RHEX: variants seen among roughly 807,000 people sequenced by gnomAD.
The protein encoded by RHEX is regulator of hemoglobinization and erythroid cell expansion.
A neutral mutation model predicts 20.1 loss-of-function variants in RHEX; 18 were observed. That is an observed-to-expected ratio of 0.90 (90% CI 0.62 to 1.33). The LOEUF is 1.33. RHEX is among the 40% of genes most tolerant of loss of function. The pLI is 0.00. For synonymous variants in RHEX, 87 were observed against 77.1 expected, an observed-to-expected ratio of 1.13 and a Z score of -0.67; for missense variants, 192 against 214.3, an observed-to-expected ratio of 0.90 and a Z score of 0.65.
chr1:206,066,691 A>T lies in RHEX; in HGVS notation c.-97+13426A>T, dbSNP rs532424222. ...GAAACTGAAAGCAGACACTTCAGAGACAGAAGGGAGAGGCTGAGATTTATG... is the reference window on the plus strand; with the variant it reads ...GAAACTGAAAGCAGACACTTCAGAGTCAGAAGGGAGAGGCTGAGATTTATG... On this transcript the variant is annotated intron_variant, in intron 1 of 5. Transcript: ENST00000331555. 2.0e-5 allele frequency among the ~76,000 whole-genome samples: 3 copies of T among 152,316 alleles called. No individual in the cohort carries two copies. The South Asian group carries it at 6.2e-4, about 32-fold the overall frequency.
chr1:206,085,401 C>T (rs1571867084), intron 1 of RHEX, among the ~76,000 whole-genome samples: 1 of 152,140 alleles, frequency 6.6e-6, no homozygotes, highest in South Asian at 2.1e-4. Context: ...GCAGGCCAAT[C>T]GATGAAACAG....
rs771392124 is a variant in RHEX at position 206,067,760 on chromosome 1, G to GAC, written c.-97+14497_-97+14498dup. The stretch of plus-strand genomic sequence containing the variant: ...TCCCTCCAGTCCCTGCCTCTTTGCA[G>GAC]ACAGCCCCTTCTCTGCCGTGCTGCC... On this transcript the variant is annotated intron_variant, in intron 1 of 5. Coordinates refer to ENST00000331555, the MANE Select transcript of RHEX (RefSeq NM_001007544.4). The surrounding 1 kb of genome is among the most constrained non-coding windows in gnomAD (Gnocchi z 4.6). 2.0e-5 allele frequency among the ~76,000 whole-genome samples: 3 copies of GAC among 152,192 alleles called. No individual in the cohort carries two copies. Among genetic ancestry groups the GAC allele is most frequent in the Non-Finnish European group, 4.4e-5 (3 of 68,028 alleles).
intron 1 of RHEX, among the ~76,000 whole-genome samples, chr1:206,073,980 C>T (rs1050069031): frequency 3.9e-5 from 6 of 152,146 alleles, no homozygotes; most frequent in Non-Finnish European, 8.8e-5. Context: ...CTCCGTAATC[C>T]GGCCCATTCC....
At chr1:206,079,422 TC>T (rs1317920911) in intron 1 of RHEX, among the ~76,000 whole-genome samples, 1 of 152,156 alleles carries the variant, frequency 6.6e-6, no homozygotes, top group Non-Finnish European at 1.5e-5. Context: ...AAGGAAATAA[TC>T]TAAAATAAAC....
chr1:206,077,253 G>GA (rs1206986375), intron 1 of RHEX, among the ~76,000 whole-genome samples: 45 of 150,018 alleles, frequency 3.0e-4, no homozygotes, highest in African/African-American at 1.1e-3. Flanking sequence ...TATGTGAAGT[G>GA]AAAAAAAAAG....
chr1:206,097,333 G>A (rs77154080), intron 1 of RHEX, among the ~76,000 whole-genome samples: 2,449 of 152,112 alleles, frequency 0.016, 27 homozygotes, highest in Non-Finnish European at 0.026. Flanking sequence ...GACCTGTGGC[G>A]CTTCTTGGCA....
chr1:206,081,080 A>C (rs1263481578), intron 1 of RHEX, among the ~76,000 whole-genome samples: 1 of 152,142 alleles, frequency 6.6e-6, no homozygotes, highest in African/African-American at 2.4e-5. Flanking sequence ...GGCGCAAGCT[A>C]TCTGTCTGCC....
chr1:206,073,038 A>G (rs1337256000), intron 1 of RHEX, among the ~76,000 whole-genome samples: 3 of 150,724 alleles, frequency 2.0e-5, no homozygotes, highest in Admixed American at 6.6e-5. Context: ...GGGTTTCGCC[A>G]TATTCCCCAG....
intron 1 of RHEX, among the ~76,000 whole-genome samples, chr1:206,064,743 C>T (rs1662389604): frequency 6.6e-6 from 1 of 151,782 alleles, no homozygotes; most frequent in East Asian, 1.9e-4. Flanking sequence ...GTGAGGAGCC[C>T]CTCTGCCCGG....
chr1:206,096,915 C>T (rs1553287773), intron 1 of RHEX, among the ~76,000 whole-genome samples: 1 of 152,020 alleles, frequency 6.6e-6, no homozygotes, highest in Non-Finnish European at 1.5e-5. Flanking sequence ...GCTGGGACCA[C>T]AGGCACATGC....
rs782119140 is a variant in RHEX, at chr1:206,099,647, C to T, written c.113-8C>T. The T allele has an allele frequency of 6.2e-7, 1 of 1,613,380 alleles. No homozygotes were observed. ...TTCCACTTTTGATCCCTGCCCTCTC[C>T]CTTCCAGCCCACAAGAGTGAACAGA... On this transcript the variant is annotated splice_polypyrimidine_tract_variant and splice_region_variant and intron_variant, in intron 3 of 5. Transcript: ENST00000331555.
intron 3 of RHEX, among the ~76,000 whole-genome samples, chr1:206,099,005 A>G (rs1663131994): frequency 6.6e-6 from 1 of 152,156 alleles, no homozygotes; most frequent in Admixed American, 6.5e-5. Context: ...TTGAGTATAA[A>G]CTTGCAGGGA....
At chr1:206,058,891 G>A (rs950272590) in intron 1 of RHEX, among the ~76,000 whole-genome samples, 2 of 152,164 alleles carry the variant, frequency 1.3e-5, no homozygotes, top group African/African-American at 4.8e-5. Context: ...GGGAGGTTTT[G>A]TCTGCGGCTC....
intron 1 of RHEX, among the ~76,000 whole-genome samples, chr1:206,059,807 G>A (rs28602536): frequency 0.4 from 60,687 of 151,848 alleles, 13,270 homozygotes; most frequent in African/African-American, 0.59. Context: ...ATCCCTCGAG[G>A]CAGGAGAAAT....
At chr1:206,062,189 A>G (rs1330932309) in intron 1 of RHEX, 1 of 152,270 alleles carries the variant, frequency 6.6e-6, no homozygotes, top group Non-Finnish European at 1.5e-5. Flanking sequence ...CAGCCTGGCA[A>G]CAGAGTGAGA....
intron 1 of RHEX, among the ~76,000 whole-genome samples, chr1:206,055,716 A>G (rs1387158435): frequency 1.3e-5 from 2 of 152,270 alleles, no homozygotes; most frequent in East Asian, 3.8e-4. Context: ...GAGTTGAAAA[A>G]AAGAAAAAAC....
intron 1 of RHEX, among the ~76,000 whole-genome samples, chr1:206,076,732 A>G (rs1662643616): frequency 6.6e-6 from 1 of 152,256 alleles, no homozygotes; most frequent in Non-Finnish European, 1.5e-5. Context: ...GCATCCTGGA[A>G]GCAGTGAACA....
At chr1:206,068,362 G>A (rs1662468777) in intron 1 of RHEX, among the ~76,000 whole-genome samples, 5 of 152,114 alleles carry the variant, frequency 3.3e-5, no homozygotes, top group Admixed American at 3.3e-4. Flanking sequence ...GGGAAAAGGG[G>A]CTAAAATTAT....
At chr1:206,083,855 T>A (rs1329300796) in intron 1 of RHEX, among the ~76,000 whole-genome samples, 1 of 152,206 alleles carries the variant, frequency 6.6e-6, no homozygotes, top group Non-Finnish European at 1.5e-5. Context: ...ACCTGACATC[T>A]GTCTACACTA....
Sources: gnomAD v4.1 joint callset for allele counts (sites outside exome capture counted in the v4.1 genomes callset) on GRCh38, gnomAD v4.1.1 for gene constraint, Gnocchi (gnomAD v3.1) non-coding constraint, MANE v1.5 for transcripts, NCBI Gene and HGNC (gene_info 2026-07-23, HGNC 2026-07-21) for gene names.